Variants in ATIC observed in about 807,000 individuals in gnomAD.
The protein encoded by ATIC is bifunctional purine biosynthesis protein ATIC.
ATIC carries 64 observed loss-of-function variants against 72.5 expected under a neutral mutation model. That is an observed-to-expected ratio of 0.88 (90% CI 0.72 to 1.09). The LOEUF (loss-of-function observed/expected upper bound fraction) is 1.09, where lower values mean the gene tolerates loss of function less well. Among genes scored for constraint, ATIC ranks in the 50% least tolerant of loss-of-function variants. The pLI is 0.00. For synonymous variants in ATIC, 281 were observed against 267.1 expected (o/e 1.05, Z -0.51); for missense variants, 787 against 732.4 (o/e 1.07, Z -0.86).
At chr2:215,334,804 TA>T in intron 9 of ATIC, 114 bp from the exon 10 acceptor site, 1 of 825,140 alleles carries the variant, frequency 1.2e-6, no homozygotes. Flanking sequence ...AAATCTTATG[TA>T]AACAGTAAGA....
At chr2:215,318,797 T>G (rs935060694) in intron 3 of ATIC, among the ~76,000 whole-genome samples, 2 of 152,226 alleles carry the variant, frequency 1.3e-5, no homozygotes, top group Admixed American at 1.3e-4. Context: ...GCAACAGTTT[T>G]GTAAAATTCC....
chr2:215,320,394 G>T (rs972519982), intron 4 of ATIC, among the ~76,000 whole-genome samples: 6 of 152,056 alleles, frequency 3.9e-5, no homozygotes, highest in African/African-American at 1.4e-4. Flanking sequence ...GGTTTATTTT[G>T]GCTCGTGATT....
the ATIC span, among the ~76,000 whole-genome samples, chr2:215,355,084 T>C: frequency 6.6e-6 from 1 of 152,098 alleles, no homozygotes; most frequent in African/African-American, 2.4e-5. Context: ...AAAAGCAGTG[T>C]CCTGCCTTAA....
chr2:215,325,376 TA>T, intron 5 of ATIC, 47 bp downstream of exon 5: 1 of 1,388,474 alleles, frequency 7.2e-7, no homozygotes, highest in Non-Finnish European at 1.0e-6. Flanking sequence ...GAGGATTATT[TA>T]AATTTTAGTG....
chr2:215,336,184 C>A lies in ATIC; in HGVS notation c.1098+60C>A, dbSNP rs13002576. The A allele has an allele frequency of 2.9e-5, 37 of 1,274,102 alleles. No individual in the cohort carries two copies. The South Asian group carries it at 3.0e-4, about 10-fold the overall frequency. The allele number at this position is 1,274,102 out of a possible 1,614,324, so 78.9% of individuals were successfully genotyped here. On this transcript the variant is annotated intron_variant, in intron 11 of 15. Coordinates refer to ENST00000236959, the MANE Select transcript of ATIC (RefSeq NM_004044.7). ...TCTTTTATTCTGTGTCTCTTTCTCC[C>A]TTGTTTACTCTTTCCTTTATACTCA...
intron 4 of ATIC, among the ~76,000 whole-genome samples, chr2:215,321,070 G>T (rs1230339220): frequency 1.3e-5 from 2 of 152,054 alleles, no homozygotes; most frequent in Admixed American, 6.6e-5. Flanking sequence ...CATATTAATT[G>T]CCACATCCAA....
At chr2:215,356,695 G>A in the ATIC span, among the ~76,000 whole-genome samples, 3 of 152,078 alleles carry the variant, frequency 2.0e-5, no homozygotes, top group Non-Finnish European at 2.9e-5. Flanking sequence ...GCCTAAATTG[G>A]ATCACATAAT....
intron 2 of ATIC, among the ~76,000 whole-genome samples, chr2:215,314,639 C>G (rs1447824180): frequency 6.6e-6 from 1 of 152,092 alleles, no homozygotes; most frequent in Admixed American, 6.6e-5. Flanking sequence ...GCTAGGATTA[C>G]AGGCGCCCGC....
At chr2:215,366,862 A>G in the ATIC span, among the ~76,000 whole-genome samples, 3 of 152,222 alleles carry the variant, frequency 2.0e-5, no homozygotes, top group Non-Finnish European at 4.4e-5. Flanking sequence ...AAAACCATCT[A>G]CTTGAAGTCA....
chr2:215,347,923 G>A (rs960092780), intron 14 of ATIC, among the ~76,000 whole-genome samples: 1 of 152,150 alleles, frequency 6.6e-6, no homozygotes, highest in African/African-American at 2.4e-5. Context: ...CATAGTTCTG[G>A]AGGCTGTGAA....
rs749891812 is a variant in ATIC at position 215,336,107 on chromosome 2, A to G, written c.1081A>G (p.Asn361Asp). 4 of 1,612,022 alleles carry G rather than the reference A, an allele frequency of 2.5e-6. No homozygotes were observed. In the Admixed American group the frequency reaches 6.7e-5, roughly 27 times the overall value. The change falls in exon 11 of 16, where the codon AAC becomes GAC. Residue 361 changes from asparagine (N) to aspartate (D), a missense_variant. Asn to Asp is a conservative substitution (Grantham distance 23). Coordinates refer to ENST00000236959, the MANE Select transcript of ATIC (RefSeq NM_004044.7). ...AATACTTTCCAAAAAGAAAAATGGA[A>G]ACTATTGTGTCCTTCAGGTGAGTGC... The part of the protein sequence containing the change: ...LTILSKKKNG[N>D]YCVLQMDQSY...
intron 4 of ATIC, among the ~76,000 whole-genome samples, chr2:215,321,332 G>A (rs146472791): frequency 1.5e-3 from 196 of 134,030 alleles, no homozygotes; most frequent in Non-Finnish European, 2.8e-3. Context: ...TTTTAGTGCT[G>A]AAAAATAATC....
At chr2:215,333,235 A>G in intron 8 of ATIC, 115 bp from the exon 9 acceptor site, 3 of 819,866 alleles carry the variant, frequency 3.7e-6, no homozygotes, top group Non-Finnish European at 6.3e-6. Context: ...AATTTAGCAC[A>G]GGCACTAGAA....
the ATIC span, among the ~76,000 whole-genome samples, chr2:215,355,688 A>G: frequency 6.6e-6 from 1 of 152,264 alleles, no homozygotes; most frequent in Non-Finnish European, 1.5e-5. Flanking sequence ...GTAGGCATAT[A>G]GAAAAGTGCA....
Position 215,346,824 on chromosome 2 carries a change from A to G in ATIC, c.1386A>G (p.Ala462=). The G allele has an allele frequency of 6.2e-7, 1 of 1,614,220 alleles. No homozygotes were observed. ...GCACTCGCCTTGCAGGAGATAAGGC[A>G]AACTATTGGTGGCTTAGACACCATC... ...IHCTRLAGDK[A]NYWWLRHHPQ... is the part of the protein sequence containing the mutation. Residue 462 remains alanine (A), a synonymous_variant, in exon 14 of 16, where the codon GCA becomes GCG. Transcript: ENST00000236959.
intron 9 of ATIC, 57 bp from the exon 10 acceptor site, chr2:215,334,862 A>T: frequency 7.2e-7 from 1 of 1,386,800 alleles, no homozygotes; most frequent in Non-Finnish European, 1.0e-6. Context: ...GAATTTTATT[A>T]CTTTTTCTGT....
chr2:215,347,768 C>A, intron 14 of ATIC: 1 of 426,680 alleles, frequency 2.3e-6, no homozygotes, highest in Non-Finnish European at 4.6e-6. Flanking sequence ...CTGAAAGAGT[C>A]CTGGAAGTGA....
intron 14 of ATIC, among the ~76,000 whole-genome samples, chr2:215,348,219 T>C (rs1235740353): frequency 6.6e-6 from 1 of 152,210 alleles, no homozygotes; most frequent in African/African-American, 2.4e-5. Flanking sequence ...ATAGCAAATA[T>C]TATGAATTGT....
At chr2:215,351,862 C>T (rs1201017543), downstream of ATIC, among the ~76,000 whole-genome samples, 4 of 152,168 alleles carry the variant, frequency 2.6e-5, no homozygotes, top group African/African-American at 7.2e-5. Flanking sequence ...TCAAGGTCAA[C>T]GTCAATAGTG....
Sources: allele counts gnomAD v4.1 joint callset (sites outside exome capture counted in the v4.1 genomes callset), GRCh38; gene constraint gnomAD v4.1.1; transcripts MANE v1.5; gene names NCBI Gene and HGNC (gene_info 2026-07-23, HGNC 2026-07-21).